UMODL1: variants seen among roughly 807,000 people sequenced by gnomAD.
UMODL1 encodes the protein uromodulin-like 1.
Under a neutral mutation model 136.3 loss-of-function variants are expected in UMODL1, and 128 were observed. That is an observed-to-expected ratio of 0.94 (90% CI 0.81 to 1.09). The LOEUF is 1.09. Ranked by LOEUF, UMODL1 falls within the 50% of genes least tolerant of loss-of-function variation. UMODL1 has a pLI of 0.00. For synonymous variants in UMODL1, 721 were observed against 720.0 expected (o/e 1.00, Z -0.02); for missense variants, 1,766 against 1,725.6 (o/e 1.02, Z -0.41).
chr21:42,077,577 G>A (rs1169820785), intron 2 of UMODL1, among the ~76,000 whole-genome samples: 2 of 152,266 alleles, frequency 1.3e-5, no homozygotes, highest in Non-Finnish European at 1.5e-5. Flanking sequence ...TAGACACGAG[G>A]CTTTGGGCGT....
intron 22 of UMODL1, among the ~76,000 whole-genome samples, chr21:42,138,474 C>A (rs187556690): frequency 6.6e-6 from 1 of 152,270 alleles, no homozygotes; most frequent in East Asian, 1.9e-4. Context: ...TGGGCCTGCA[C>A]ATAGTTCACC....
At chr21:42,080,077 T>C (rs895042303) in intron 2 of UMODL1, among the ~76,000 whole-genome samples, 14 of 152,212 alleles carry the variant, frequency 9.2e-5, no homozygotes. Context: ...GCTGGTGGTG[T>C]GAAGGCGCCT....
Position 42,098,949 on chromosome 21 carries a change from G to A in UMODL1, c.955G>A (p.Val319Met), listed in dbSNP as rs753023855. Residue 319 changes from valine (V) to methionine (M), a missense_variant, in exon 7 of 23, where the codon GTG becomes ATG. Transcript: ENST00000408910. ...AGATTGTCCTCCAGTCAGTGACTAC[G>A]TGGTCCTCAACGTCACCAGTGACAG... ...WEDCPPVSDY[V>M]VLNVTSDSFQ... 8.1e-6 allele frequency: 13 copies of A among 1,614,070 alleles called. No homozygotes were observed. The South Asian group carries it at 8.8e-5, about 11-fold the overall frequency.
At chr21:42,092,363 C>G (rs542050965) in intron 6 of UMODL1, among the ~76,000 whole-genome samples, 2 of 151,440 alleles carry the variant, frequency 1.3e-5, no homozygotes, top group African/African-American at 2.4e-5. Flanking sequence ...AGGTTTTGAC[C>G]TTATTGAACG....
intron 6 of UMODL1, among the ~76,000 whole-genome samples, chr21:42,094,736 T>G (rs969017435): frequency 6.6e-6 from 1 of 152,190 alleles, no homozygotes; most frequent in Non-Finnish European, 1.5e-5. Flanking sequence ...AAAGAGAGAT[T>G]GGCCTTAGCA....
chr21:42,085,158 T>C lies in UMODL1; in HGVS notation c.482-133T>C. On this transcript the variant is annotated intron_variant, in intron 3 of 22. Coordinates refer to ENST00000408910, the MANE Select transcript of UMODL1 (RefSeq NM_001004416.3). This position sits in a 1 kb window ranked among gnomAD's most constrained non-coding sequence, Gnocchi z 4.5. Reference sequence around the variant, plus strand: ...CCGTCTCCTGTGGTAGATGTCTTTTTGCAGGGAGGTAAATGCAGAGCAGGG... The same window carrying C: ...CCGTCTCCTGTGGTAGATGTCTTTTCGCAGGGAGGTAAATGCAGAGCAGGG... 1 of 1,157,596 alleles carries C rather than the reference T, an allele frequency of 8.6e-7. No homozygotes were observed. Among genetic ancestry groups the C allele is most frequent in the Non-Finnish European group, 1.2e-6 (1 of 826,442 alleles). 71.7% of individuals were successfully genotyped at this position (1,157,596 alleles called of 1,614,324 possible).
rs117669643 is a variant in UMODL1 at position 42,113,255 on chromosome 21, C to T, written c.2105-318C>T. ...TCAAGAGTAGACAGTCCATCTGAGG[C>T]GCCACCAAGAACCTGCTCAAGAGGC... On this transcript the variant is annotated intron_variant, in intron 12 of 22. Transcript: ENST00000408910. 452 of 237,320 alleles carry T rather than the reference C, an allele frequency of 1.9e-3. 2 individuals carry two copies. Among genetic ancestry groups the T allele is most frequent in the African/African-American group, 7.5e-3 (330 of 43,720 alleles). 14.7% of individuals were successfully genotyped at this position (237,320 alleles called of 1,614,324 possible).
intron 9 of UMODL1, among the ~76,000 whole-genome samples, chr21:42,107,008 C>T (rs2146490803): frequency 6.6e-6 from 1 of 152,312 alleles, no homozygotes; most frequent in Admixed American, 6.5e-5. Flanking sequence ...ACTTTCATAT[C>T]TTGGATGAGA....
chr21:42,133,551 GA>G (rs1168714489), intron 21 of UMODL1, among the ~76,000 whole-genome samples: 1 of 152,212 alleles, frequency 6.6e-6, no homozygotes, highest in Non-Finnish European at 1.5e-5. Context: ...TGGGTGGCTT[GA>G]ACAACAGAAA....
rs748655004 is a variant in UMODL1, at chr21:42,122,930, C to A, written c.2927C>A (p.Pro976His). 3.1e-6 allele frequency: 5 copies of A among 1,613,960 alleles called. No homozygotes were observed. Among genetic ancestry groups the A allele is most frequent in the South Asian group, 1.1e-5 (1 of 91,088 alleles). ...TTTGTGCAAGGCACCAGCCCCACCC[C>A]CCAAGGCCTGCCCCAGCGGCTGAAC... ...AAFVQGTSPTPQGLPQRLNLT... is the reference protein window; with the variant it reads ...AAFVQGTSPTHQGLPQRLNLT... The change falls in exon 17 of 23, where the codon CCC (proline) becomes CAC (histidine). Residue 976 changes from proline (P) to histidine (H), a missense_variant. Physicochemically the swap from Pro to His is moderately conservative, Grantham distance 77. Coordinates refer to ENST00000408910, the MANE Select transcript of UMODL1 (RefSeq NM_001004416.3). The surrounding 1 kb of genome is among the most constrained non-coding windows in gnomAD (Gnocchi z 4.3).
At chr21:42,127,642 A>G in intron 19 of UMODL1, 30 bp from the exon 20 acceptor site, 1 of 1,602,548 alleles carries the variant, frequency 6.2e-7, no homozygotes, top group South Asian at 1.1e-5. Context: ...CTCGCTGACA[A>G]GCAAGGAGTC....
At chr21:42,086,692 GT>G (rs1277054346) in intron 4 of UMODL1, 1 of 449,648 alleles carries the variant, frequency 2.2e-6, no homozygotes, top group African/African-American at 2.0e-5. Context: ...TCGGCCAGGA[GT>G]GGTGGCTCAA....
chr21:42,095,902 G>T (rs948826143), intron 6 of UMODL1, among the ~76,000 whole-genome samples: 2 of 152,138 alleles, frequency 1.3e-5, no homozygotes, highest in Non-Finnish European at 2.9e-5. Context: ...TAACCATGTC[G>T]CTGATAGCTT....
At position 42,142,120 on chromosome 21, in the gene UMODL1, A is replaced by C. The variant is rs541804424; in HGVS notation, c.*46A>C. 1 of 152,398 alleles carries C rather than the reference A, an allele frequency of 6.6e-6. No homozygotes were observed. Among genetic ancestry groups the C allele is most frequent in the South Asian group, 2.1e-4 (1 of 4,826 alleles). The allele number at this position is 152,398 out of a possible 1,614,324, so 9.4% of individuals were successfully genotyped here. A position where few individuals can be genotyped will look rare whatever the true frequency, so the allele number is the denominator to read the frequency against. On this transcript the variant is annotated 3_prime_UTR_variant, in exon 23 of 23. Coordinates refer to ENST00000408910, the MANE Select transcript of UMODL1 (RefSeq NM_001004416.3). ...GGTCGCCGTGAGTCAAGCTGCCTCC[A>C]GAACCTCAGAGCTTCCCTGGTGGGC... is the stretch of plus-strand genomic sequence containing the variant.
chr21:42,109,657 A>G lies in UMODL1; in HGVS notation c.1615A>G (p.Thr539Ala), dbSNP rs1483209435. The G allele has an allele frequency of 6.2e-7, 1 of 1,608,270 alleles. No individual in the cohort carries two copies. Among genetic ancestry groups the G allele is most frequent in the African/African-American group, 1.3e-5 (1 of 75,018 alleles). The change falls in exon 10 of 23, where the codon ACC becomes GCC. Residue 539 changes from threonine (T) to alanine (A), a missense_variant. By Grantham distance (58) the Thr-to-Ala change is moderately conservative. Coordinates refer to ENST00000408910, the MANE Select transcript of UMODL1 (RefSeq NM_001004416.3). ...EGSYTCQCRTTRDATPSRAGR... is the reference protein window; with the variant it reads ...EGSYTCQCRTARDATPSRAGR... Reference sequence around the variant, plus strand: ...CTCCTACACCTGCCAGTGCCGTACCACCAGGGACGCCACCCCCTCCCGCGC... The same window carrying G: ...CTCCTACACCTGCCAGTGCCGTACCGCCAGGGACGCCACCCCCTCCCGCGC...
chr21:42,072,746 C>T (rs2066245157), intron 1 of UMODL1, among the ~76,000 whole-genome samples: 1 of 152,200 alleles, frequency 6.6e-6, no homozygotes, highest in Non-Finnish European at 1.5e-5. Flanking sequence ...GGTTTGTGAG[C>T]CTGGGTGTGA....
upstream of UMODL1, among the ~76,000 whole-genome samples, chr21:42,069,749 T>A (rs998093583): frequency 1.5e-4 from 23 of 152,224 alleles, no homozygotes; most frequent in African/African-American, 5.5e-4. Context: ...TACATTATAG[T>A]AGCAAACATT....
intron 5 of UMODL1, among the ~76,000 whole-genome samples, chr21:42,089,131 G>A (rs2066461524): frequency 6.6e-6 from 1 of 152,162 alleles, no homozygotes; most frequent in Non-Finnish European, 1.5e-5. Flanking sequence ...ACTCAGCCCT[G>A]CTGTTGTAGT....
intron 1 of UMODL1, among the ~76,000 whole-genome samples, chr21:42,074,882 AATTTTTTATTTT>A (rs1369378960): frequency 1.3e-5 from 2 of 149,830 alleles, no homozygotes; most frequent in Non-Finnish European, 3.0e-5. Context: ...CAGCCACCAC[AATTTTTTATTTT>A]ATTTTTTATT....
Sources: gnomAD v4.1 joint callset for allele counts (sites outside exome capture counted in the v4.1 genomes callset) on GRCh38, gnomAD v4.1.1 for gene constraint, Gnocchi (gnomAD v3.1) non-coding constraint, MANE v1.5 for transcripts, NCBI Gene and HGNC (gene_info 2026-07-23, HGNC 2026-07-21) for gene names.